The following ETV6 variants were observed in gnomAD, a reference collection of about 807,000 sequenced individuals.
ETV6 encodes ETS variant transcription factor 6, also known as transcription factor ETV6.
A neutral mutation model predicts 51.1 loss-of-function variants in ETV6; 16 were observed. The ratio of observed to expected loss-of-function variants is 0.31; its 90% CI spans 0.21 to 0.48. The LOEUF (loss-of-function observed/expected upper bound fraction) is 0.48, where lower values mean the gene tolerates loss of function less well. ETV6 is among the 20% of genes least tolerant of loss of function. The probability of loss-of-function intolerance (pLI) is 0.99; values close to 1 mark genes in which losing one functional copy is unlikely to be tolerated. For synonymous variants in ETV6, 240 were observed against 224.1 expected (o/e 1.07, Z -0.64); for missense variants, 458 against 594.8 (o/e 0.77, Z 2.39).
intron 2 of ETV6, among the ~76,000 whole-genome samples, chr12:11,757,312 G>A (rs1184969917): frequency 6.6e-6 from 1 of 152,078 alleles, no homozygotes; most frequent in East Asian, 1.9e-4. Flanking sequence ...GTTTAAGACA[G>A]CCACGTGACA....
At chr12:11,727,671 C>T (rs954842414) in intron 1 of ETV6, among the ~76,000 whole-genome samples, 3 of 137,804 alleles carry the variant, frequency 2.2e-5, no homozygotes, top group Non-Finnish European at 3.3e-5. Flanking sequence ...GTGCAGCCAG[C>T]GTTACAGCAC....
chr12:11,866,519 C>T (rs1485141208), intron 4 of ETV6, among the ~76,000 whole-genome samples: 1 of 152,170 alleles, frequency 6.6e-6, no homozygotes, highest in African/African-American at 2.4e-5. Context: ...AAATTACTGG[C>T]CAGTTACTTT....
rs1441725586 is a variant in ETV6, at chr12:11,891,413, T to G, written c.*367T>G. 1 of 351,104 alleles carries G rather than the reference T, an allele frequency of 2.8e-6. No individual in the cohort carries two copies. Among genetic ancestry groups the G allele is most frequent in the Non-Finnish European group, 5.3e-6 (1 of 189,788 alleles). 21.7% of individuals were successfully genotyped at this position (351,104 alleles called of 1,614,324 possible). On this transcript the variant is annotated 3_prime_UTR_variant, in exon 8 of 8. Transcript: ENST00000396373. ...GCAGTTTGACTCTTCATCGTTCATC[T>G]AGGGGAAGACATCTGATGTTGTTTT...
chr12:11,714,987 A>G (rs1422432963), intron 1 of ETV6, among the ~76,000 whole-genome samples: 1 of 152,208 alleles, frequency 6.6e-6, no homozygotes, highest in Non-Finnish European at 1.5e-5. Flanking sequence ...TTTGGAGATG[A>G]TTAAAGATGA....
At position 11,664,751 on chromosome 12, in the gene ETV6, C is replaced by T. The variant is rs532731382; in HGVS notation, c.33+14591C>T. 3.0e-4 allele frequency among the ~76,000 whole-genome samples: 46 copies of T among 152,290 alleles called. 1 individual carries two copies. The highest frequency in any genetic ancestry group is 6.6e-4 in the Non-Finnish European group (45 of 68,024). On this transcript the variant is annotated intron_variant, in intron 1 of 7. Coordinates refer to ENST00000396373, the MANE Select transcript of ETV6 (RefSeq NM_001987.5). Reference sequence around the variant, plus strand: ...CCTGCCAGGCAGTCTGGTGCATACTCGTCTTTCTCCTCCATACCGGCTGTC... The same window carrying T: ...CCTGCCAGGCAGTCTGGTGCATACTTGTCTTTCTCCTCCATACCGGCTGTC...
chr12:11,682,336 C>T (rs1864546336), intron 1 of ETV6, among the ~76,000 whole-genome samples: 1 of 152,036 alleles, frequency 6.6e-6, no homozygotes, highest in Non-Finnish European at 1.5e-5. Flanking sequence ...AGCTTTTTTT[C>T]GTATGTTTGT....
intron 7 of ETV6, among the ~76,000 whole-genome samples, chr12:11,889,592 C>T (rs899910148): frequency 6.6e-6 from 1 of 152,050 alleles, no homozygotes; most frequent in Non-Finnish European, 1.5e-5. Flanking sequence ...GGACTCAACT[C>T]GTGAGAAGAG....
chr12:11,840,675 T>G, intron 3 of ETV6: 1 of 337,726 alleles, frequency 3.0e-6, no homozygotes, highest in South Asian at 2.3e-5. Flanking sequence ...ACCGTTTATA[T>G]GAAGAAATGC....
At chr12:11,861,724 A>T (rs188564415) in intron 4 of ETV6, among the ~76,000 whole-genome samples, 1 of 152,048 alleles carries the variant, frequency 6.6e-6, no homozygotes, top group South Asian at 2.1e-4. Flanking sequence ...GAGCAGTTTG[A>T]TTTCATCTCC....
chr12:11,726,536 G>T (rs993489242), intron 1 of ETV6, among the ~76,000 whole-genome samples: 1 of 152,144 alleles, frequency 6.6e-6, no homozygotes, highest in African/African-American at 2.4e-5. Context: ...CCAGCACTTC[G>T]GGAGGGCAAG....
At chr12:11,802,354 A>C (rs1945763715) in intron 2 of ETV6, among the ~76,000 whole-genome samples, 1 of 152,206 alleles carries the variant, frequency 6.6e-6, no homozygotes, top group Non-Finnish European at 1.5e-5. Flanking sequence ...TATAACGAGA[A>C]TGGTACCTGC....
chr12:11,789,618 C>A (rs1054176992), intron 2 of ETV6, among the ~76,000 whole-genome samples: 8 of 152,226 alleles, frequency 5.3e-5, no homozygotes, highest in Admixed American at 4.6e-4. Flanking sequence ...TGAGACCTTG[C>A]GTGTCTGAAG....
intron 4 of ETV6, among the ~76,000 whole-genome samples, chr12:11,862,554 G>C (rs1158710161): frequency 6.6e-6 from 1 of 152,154 alleles, no homozygotes; most frequent in African/African-American, 2.4e-5. Context: ...CTCTCTTCTC[G>C]TTTCTGGTGG....
rs1340494764 is a variant in ETV6 at position 11,752,348 on chromosome 12, C to CG, written c.34-102_34-101insG. 3.1e-6 allele frequency: 4 copies of CG among 1,280,244 alleles called. No homozygotes were observed. The East Asian group carries it at 9.4e-5, about 30-fold the overall frequency. 79.3% of individuals were successfully genotyped at this position (1,280,244 alleles called of 1,614,324 possible). A position where few individuals can be genotyped will look rare whatever the true frequency, so the allele number is the denominator to read the frequency against. ...TTGGGAAGCTGGTACTGCCCATGCC[C>CG]CGCCTCCCTTTTGCTCCCCACCCCG... is the stretch of plus-strand genomic sequence containing the variant. On this transcript the variant is annotated intron_variant, in intron 1 of 7. Transcript: ENST00000396373.
chr12:11,844,802 G>A (rs1400511303), intron 3 of ETV6, among the ~76,000 whole-genome samples: 4 of 149,008 alleles, frequency 2.7e-5, no homozygotes, highest in African/African-American at 7.3e-5. Context: ...GAAATGCTTC[G>A]ATAGGTCACT....
intron 2 of ETV6, among the ~76,000 whole-genome samples, chr12:11,833,963 T>C (rs1946279960): frequency 6.6e-6 from 1 of 152,196 alleles, no homozygotes; most frequent in Non-Finnish European, 1.5e-5. Context: ...TGTTCAGTAA[T>C]TGCTAGCTGT....
rs1864378930 is a variant in ETV6 at position 11,674,584 on chromosome 12, CAAGGCCCATAGGGGTT to C, written c.33+24427_33+24442del. On this transcript the variant is annotated intron_variant, in intron 1 of 7. Transcript: ENST00000396373. ...CGCTGCTAAAATGTGTGCTGTAGCT[CAAGGCCCATAGGGGTT>C]AATGTAGGGGTTATTTGTGTGTGTG... Among the ~76,000 whole-genome samples, 3 of 150,940 alleles carry C rather than the reference CAAGGCCCATAGGGGTT, an allele frequency of 2.0e-5. No individual in the cohort carries two copies. In the East Asian group the frequency reaches 5.8e-4, roughly 29 times the overall value.
At chr12:11,769,888 G>C (rs1455074516) in intron 2 of ETV6, among the ~76,000 whole-genome samples, 1 of 152,178 alleles carries the variant, frequency 6.6e-6, no homozygotes, top group Non-Finnish European at 1.5e-5. Flanking sequence ...GAAGCCCAGA[G>C]CTGTGACTCC....
chr12:11,887,277 C>G (rs1223684472), intron 7 of ETV6, among the ~76,000 whole-genome samples: 1 of 152,190 alleles, frequency 6.6e-6, no homozygotes, highest in Non-Finnish European at 1.5e-5. Context: ...TCCCGACACA[C>G]AACTTCATTT....
Sources: allele counts gnomAD v4.1 joint callset (sites outside exome capture counted in the v4.1 genomes callset), GRCh38; gene constraint gnomAD v4.1.1; transcripts MANE v1.5; gene names NCBI Gene and HGNC (gene_info 2026-07-23, HGNC 2026-07-21).